Variants in DNAH2 observed in about 807,000 individuals in gnomAD.
The protein encoded by DNAH2 is axonemal beta dynein heavy chain 2.
A neutral mutation model predicts 523.5 loss-of-function variants in DNAH2; 323 were observed. That is an observed-to-expected ratio of 0.62 (90% CI 0.56 to 0.68). DNAH2 has a LOEUF of 0.68. DNAH2 is among the 30% of genes least tolerant of loss of function. DNAH2 has a pLI of 0.00. For missense variants in DNAH2, 4,907 were observed against 5,701.5 expected, an observed-to-expected ratio of 0.86 and a Z score of 4.49; for synonymous variants, 2,093 against 2,177.4, an observed-to-expected ratio of 0.96 and a Z score of 1.08.
Position 7,763,887 on chromosome 17 carries a change from T to A in DNAH2, c.3035T>A (p.Phe1012Tyr). The A allele has an allele frequency of 6.2e-7, 1 of 1,614,206 alleles. No individual in the cohort carries two copies. Residue 1012 changes from phenylalanine to tyrosine, a missense_variant, in exon 19 of 86, where the codon TTT becomes TAT. Phe to Tyr is a conservative substitution (Grantham distance 22). Around this residue, in one of 3 missense-constraint regions of DNAH2, gnomAD observed 2,806 missense variants for 3,190.8 expected, o/e 0.88. Transcript: ENST00000572933. ...GAGGAGACAGTCACCAACATCCAGT[T>A]TGTGCTGCTGGACTGTTCGCACCTC... The part of the protein sequence containing the change: ...QKEETVTNIQ[F>Y]VLLDCSHLKF...
Position 7,757,222 on chromosome 17 carries a change from C to T in DNAH2, c.2036C>T (p.Ala679Val). The change falls in exon 13 of 86, where the codon GCT becomes GTT. Residue 679 changes from alanine (A) to valine (V), a missense_variant. Physicochemically the swap from Ala to Val is moderately conservative, Grantham distance 64. Around this residue, in one of 3 missense-constraint regions of DNAH2, gnomAD observed 2,806 missense variants for 3,190.8 expected, o/e 0.88. Transcript: ENST00000572933. Reference sequence around the variant, plus strand: ...CTGCGTGAAAATCTGCTACTCGTTGCTAGAGACTACAATAGGTAGGGCTTC... The same window carrying T: ...CTGCGTGAAAATCTGCTACTCGTTGTTAGAGACTACAATAGGTAGGGCTTC... ...RILRENLLLVARDYNRIIAML... is the reference protein window; with the variant it reads ...RILRENLLLVVRDYNRIIAML... The T allele has an allele frequency of 1.2e-6, 2 of 1,614,154 alleles. No homozygotes were observed. Among genetic ancestry groups the T allele is most frequent in the Non-Finnish European group, 1.7e-6 (2 of 1,180,020 alleles).
intron 7 of DNAH2, 96 bp downstream of exon 7, chr17:7,734,804 C>A: frequency 7.6e-7 from 1 of 1,315,388 alleles, no homozygotes; most frequent in African/African-American, 1.5e-5. Flanking sequence ...CCAAGGCAAT[C>A]TTCGATAGCA....
rs917773892 is a variant in DNAH2, at chr17:7,771,582, C to T, written c.4501+114C>T. ...ATGCCCCCAGCTCTCCTAACATTTC[C>T]CATCTCCATCACCTCTTCTAAGCAT... On this transcript the variant is annotated intron_variant, in intron 28 of 85. Coordinates refer to ENST00000572933, the MANE Select transcript of DNAH2 (RefSeq NM_020877.5). The T allele has an allele frequency of 3.5e-6, 4 of 1,146,344 alleles. No homozygotes were observed. In the African/African-American group the frequency reaches 4.7e-5, roughly 13 times the overall value. 71.0% of individuals were successfully genotyped at this position (1,146,344 alleles called of 1,614,324 possible).
At position 7,830,618 on chromosome 17, in the gene DNAH2, T is replaced by C. The variant is rs74765271; in HGVS notation, c.12046-40T>C. 1.8e-3 allele frequency: 2,835 copies of C among 1,611,412 alleles called. 34 individuals are homozygous for C. In the African/African-American group the frequency reaches 0.029, roughly 17 times the overall value. ...AGCCCCATTGGCAGATTTCCTGCCA[T>C]AACTCTGGGAATGGGGGCTTGGGCT... On this transcript the variant is annotated intron_variant, in intron 78 of 85. Transcript: ENST00000572933.
intron 39 of DNAH2, among the ~76,000 whole-genome samples, chr17:7,785,899 T>A (rs8068843): frequency 0.27 from 40,624 of 151,978 alleles, 6,151 homozygotes; most frequent in Non-Finnish European, 0.35. Context: ...TTACCCAGGA[T>A]CACATAGCTG....
At chr17:7,752,483 G>A (rs2075714773) in intron 12 of DNAH2, among the ~76,000 whole-genome samples, 1 of 152,118 alleles carries the variant, frequency 6.6e-6, no homozygotes, top group Non-Finnish European at 1.5e-5. Context: ...GGCCGAGGCG[G>A]GCGGATCACG....
intron 12 of DNAH2, among the ~76,000 whole-genome samples, chr17:7,753,203 A>AT (rs1466639169): frequency 6.6e-6 from 1 of 152,098 alleles, no homozygotes; most frequent in African/African-American, 2.4e-5. Context: ...AGGCGGTGGG[A>AT]TAGTACCCTT....
At position 7,777,464 on chromosome 17, in the gene DNAH2, T is replaced by C; in HGVS notation, c.5077T>C (p.Tyr1693His). The change falls in exon 33 of 86, where the codon TAT (tyrosine) becomes CAT (histidine). Residue 1693 changes from tyrosine (Y) to histidine (H), a missense_variant. Coordinates refer to ENST00000572933, the MANE Select transcript of DNAH2 (RefSeq NM_020877.5). ...GCCACAGGTGTCAATCCTGAATAAG[T>C]ATTCAGAAGCCATCAGGGGGAACTT... ...KKNQVSILNK[Y>H]SEAIRGNLTK... 1 of 1,614,140 alleles carries C rather than the reference T, an allele frequency of 6.2e-7. No homozygotes were observed. Among genetic ancestry groups the C allele is most frequent in the Non-Finnish European group, 8.5e-7 (1 of 1,180,010 alleles).
intron 2 of DNAH2, among the ~76,000 whole-genome samples, chr17:7,721,099 C>T (rs936101834): frequency 4.7e-5 from 7 of 150,008 alleles, no homozygotes; most frequent in Non-Finnish European, 7.4e-5. Flanking sequence ...ACCTCTGCCT[C>T]CCGGGCTCAA....
chr17:7,776,049 C>T lies in DNAH2; in HGVS notation c.4847C>T (p.Thr1616Ile). ...VESWLGDVEQTMRVTLRDLLR... is the reference protein window; with the variant it reads ...VESWLGDVEQIMRVTLRDLLR... ...TCCTGGCTTGGCGATGTGGAACAGA[C>T]CATGAGGGTGACCCTGCGGGACCTT... The change falls in exon 31 of 86, where the codon ACC (threonine) becomes ATC (isoleucine). Residue 1616 changes from threonine (T) to isoleucine (I), a missense_variant. Thr to Ile is a moderately conservative substitution (Grantham distance 89). This residue lies in a region of DNAH2 where 2,806 missense variants were observed against 3,190.8 expected (regional missense o/e 0.88). Coordinates refer to ENST00000572933, the MANE Select transcript of DNAH2 (RefSeq NM_020877.5). 1 of 1,614,110 alleles carries T rather than the reference C, an allele frequency of 6.2e-7. No homozygotes were observed. The highest frequency in any genetic ancestry group is 8.5e-7 in the Non-Finnish European group (1 of 1,179,956).
rs146567143 is a variant in DNAH2 at position 7,770,419 on chromosome 17, C to G, written c.4098+11C>G. 3,230 of 1,611,148 alleles carry G rather than the reference C, an allele frequency of 2.0e-3. 22 individuals are homozygous for G. Among genetic ancestry groups the G allele is most frequent in the African/African-American group, 0.016 (1,183 of 74,966 alleles). On this transcript the variant is annotated intron_variant, in intron 25 of 85. Coordinates refer to ENST00000572933, the MANE Select transcript of DNAH2 (RefSeq NM_020877.5). ...CTGGCTATAGAAGTGGTACGACAGT[C>G]CCCTCCCATGCTCCCACACCTCCTG...
In DNAH2 at chr17:7,758,494, G is replaced by C. The variant is rs1399332058; in HGVS notation, c.2052-1G>C. On this transcript the variant is annotated splice_acceptor_variant, in intron 13 of 85. Coordinates refer to ENST00000572933, the MANE Select transcript of DNAH2 (RefSeq NM_020877.5). LOFTEE classifies it high-confidence loss of function. Reference sequence around the variant, plus strand: ...GGATACCAGGCCTCTCTTATGCACAGGATTATTGCCATGCTGTCCCCAGAT... The same window carrying C: ...GGATACCAGGCCTCTCTTATGCACACGATTATTGCCATGCTGTCCCCAGAT... The C allele has an allele frequency of 6.2e-7, 1 of 1,613,536 alleles. No homozygotes were observed. Among genetic ancestry groups the C allele is most frequent in the Non-Finnish European group, 8.5e-7 (1 of 1,179,862 alleles).
In DNAH2 at chr17:7,757,151, C is replaced by T; in HGVS notation, c.1965C>T (p.Pro655=). The T allele has an allele frequency of 6.2e-7, 1 of 1,614,180 alleles. No individual in the cohort carries two copies. Among genetic ancestry groups the T allele is most frequent in the South Asian group, 1.1e-5 (1 of 91,084 alleles). ...GGGAGCGGCTGCTGTTTGAGACGCCCCATTACGTGGTGAACGTAGCTGAGC... is the reference window on the plus strand; with the variant it reads ...GGGAGCGGCTGCTGTTTGAGACGCCTCATTACGTGGTGAACGTAGCTGAGC... The part of the protein sequence containing the change: ...DYWERLLFET[P]HYVVNVAERA... Residue 655 remains proline (P), a synonymous_variant, in exon 13 of 86, where the codon CCC becomes CCT. Coordinates refer to ENST00000572933, the MANE Select transcript of DNAH2 (RefSeq NM_020877.5).
In DNAH2 at chr17:7,740,981, A is replaced by T. The variant is rs2075297494; in HGVS notation, c.1678A>T (p.Arg560Ter). 5 of 1,603,106 alleles carry T rather than the reference A, an allele frequency of 3.1e-6. No homozygotes were observed. The highest frequency in any genetic ancestry group is 4.3e-6 in the Non-Finnish European group (5 of 1,171,532). ...GCACATCCTCCGGCGTCGCATCGACAGAGTCATGACCGTAAGTGCCTGGCC... is the reference window on the plus strand; with the variant it reads ...GCACATCCTCCGGCGTCGCATCGACTGAGTCATGACCGTAAGTGCCTGGCC... ...WVHILRRRID[R>*]VMTCLAGAHF... Residue 560 changes from arginine to a stop codon, truncating the protein, a stop_gained, in exon 11 of 86, where the codon AGA (arginine) becomes TGA (stop). Transcript: ENST00000572933. LOFTEE classifies it high-confidence loss of function.
rs1555544463 is a variant in DNAH2, at chr17:7,752,160, T to TACACACACACAC, written c.1905-4907_1905-4896dup. ...CCTGCCTTTTCCCCTTAAGTCATTT[T>TACACACACACAC]ACACACACACACACACACACACACA... is the stretch of plus-strand genomic sequence containing the variant. On this transcript the variant is annotated intron_variant, in intron 12 of 85. Coordinates refer to ENST00000572933, the MANE Select transcript of DNAH2 (RefSeq NM_020877.5). Among the ~76,000 whole-genome samples the TACACACACACAC allele has an allele frequency of 7.7e-3, 957 of 124,994 alleles. 7 individuals carry two copies. Among genetic ancestry groups the TACACACACACAC allele is most frequent in the Non-Finnish European group, 0.011 (700 of 61,418 alleles). 82.0% of individuals were successfully genotyped at this position (124,994 alleles called of 152,430 possible).
At chr17:7,756,741 G>T (rs1277902129) in intron 12 of DNAH2, among the ~76,000 whole-genome samples, 15 of 152,188 alleles carry the variant, frequency 9.9e-5, no homozygotes. Context: ...TGCGATCTCA[G>T]CTCACTGCAA....
intron 56 of DNAH2, among the ~76,000 whole-genome samples, chr17:7,800,575 ATT>A (rs994470904): frequency 6.7e-6 from 1 of 150,260 alleles, no homozygotes; most frequent in Non-Finnish European, 1.5e-5. Context: ...TACCTTAAAA[ATT>A]TTTTTTTGTC....
At position 7,778,264 on chromosome 17, in the gene DNAH2, T is replaced by G; in HGVS notation, c.5352-16T>G. Reference sequence around the variant, plus strand: ...GCTTCCAGGAGTCTGACTCTAGTTCTGTCCTCAATTCTCAGGTGTTACATG... The same window carrying G: ...GCTTCCAGGAGTCTGACTCTAGTTCGGTCCTCAATTCTCAGGTGTTACATG... On this transcript the variant is annotated splice_polypyrimidine_tract_variant and intron_variant, in intron 34 of 85. Transcript: ENST00000572933. 1 of 1,614,116 alleles carries G rather than the reference T, an allele frequency of 6.2e-7. No individual in the cohort carries two copies. Among genetic ancestry groups the G allele is most frequent in the Non-Finnish European group, 8.5e-7 (1 of 1,179,960 alleles).
chr17:7,792,378 GGCAGC>G (rs1441580350), intron 46 of DNAH2, 35 bp downstream of exon 46: 1 of 1,601,212 alleles, frequency 6.2e-7, no homozygotes, highest in East Asian at 2.2e-5. Context: ...GAGGGCATGG[GGCAGC>G]GGTAGGTGGG....
Sources: gnomAD v4.1 joint callset for allele counts (sites outside exome capture counted in the v4.1 genomes callset) on GRCh38, gnomAD v4.1.1 for gene constraint, gnomAD v4.1.1 regional missense constraint, MANE v1.5 for transcripts, NCBI Gene and HGNC (gene_info 2026-07-23, HGNC 2026-07-21) for gene names.